The following SLC5A4 variants were observed in gnomAD, a reference collection of about 807,000 sequenced individuals.
SLC5A4 encodes the protein solute carrier family 5 member 4, also known as probable glucose sensor protein SLC5A4.
In SLC5A4, 55 loss-of-function variants were observed where a neutral mutation model predicts 70.3. That is an observed-to-expected ratio of 0.78 (90% CI 0.63 to 0.98). The LOEUF (loss-of-function observed/expected upper bound fraction) is 0.98. Ranked by LOEUF, SLC5A4 falls within the 50% of genes least tolerant of loss-of-function variation. The probability of loss-of-function intolerance (pLI) is 0.00; values close to 1 mark genes in which losing one functional copy is unlikely to be tolerated. For synonymous variants in SLC5A4, 268 were observed against 305.7 expected (o/e 0.88, Z 1.29); for missense variants, 735 against 839.2 (o/e 0.88, Z 1.53).
At chr22:32,348,446 G>T in the SLC5A4 span, among the ~76,000 whole-genome samples, 1 of 152,204 alleles carries the variant, frequency 6.6e-6, no homozygotes, top group Non-Finnish European at 1.5e-5. Context: ...CTCCTCCAGG[G>T]GAGTGCCTCC....
chr22:32,338,733 C>A, the SLC5A4 span, among the ~76,000 whole-genome samples: 2 of 152,136 alleles, frequency 1.3e-5, no homozygotes, highest in Non-Finnish European at 2.9e-5. Context: ...GAATCCAGTG[C>A]CCTCAAAAGC....
intron 3 of SLC5A4, among the ~76,000 whole-genome samples, chr22:32,251,453 C>T (rs1341017733): frequency 6.6e-6 from 1 of 151,888 alleles, no homozygotes; most frequent in Non-Finnish European, 1.5e-5. Context: ...CCCTCTCCTC[C>T]CCTTTTCTCT....
the SLC5A4 span, among the ~76,000 whole-genome samples, chr22:32,311,463 A>G: frequency 1.3e-5 from 2 of 152,214 alleles, no homozygotes; most frequent in Non-Finnish European, 2.9e-5. Context: ...GTTTGTGATC[A>G]TTTAGGTGAT....
the SLC5A4 span, among the ~76,000 whole-genome samples, chr22:32,351,075 C>A: frequency 0.42 from 63,099 of 151,900 alleles, 16,069 homozygotes; most frequent in African/African-American, 0.71. Flanking sequence ...CCTGTTGCAA[C>A]GATGTGATGA....
chr22:32,333,139 G>A, the SLC5A4 span, among the ~76,000 whole-genome samples: 1 of 151,942 alleles, frequency 6.6e-6, no homozygotes, highest in African/African-American at 2.4e-5. Context: ...GTCTGTGGGT[G>A]TAGGAGTGGA....
the SLC5A4 span, chr22:32,272,490 CA>C: frequency 1.4e-6 from 1 of 721,598 alleles, no homozygotes; most frequent in South Asian, 1.5e-5. Context: ...TCATGAAGAG[CA>C]TCTGGCTGCT....
chr22:32,354,737 C>T, the SLC5A4 span: 2 of 152,432 alleles, frequency 1.3e-5, no homozygotes, highest in African/African-American at 4.8e-5. Context: ...ATCCAACCAG[C>T]CTCCTAACAC....
chr22:32,223,822 ATTTCAGTGACTGAATGATAATCTC>A (rs1925225378), intron 13 of SLC5A4, among the ~76,000 whole-genome samples: 1 of 152,088 alleles, frequency 6.6e-6, no homozygotes. Flanking sequence ...ATTGTTCTTT[ATTTCAGTGACTGAATGATAATCTC>A]TTAGGGTTCT....
the SLC5A4 span, among the ~76,000 whole-genome samples, chr22:32,292,965 T>C: frequency 1.3e-5 from 2 of 152,226 alleles, no homozygotes; most frequent in African/African-American, 4.8e-5. Flanking sequence ...AGTAGGTGCC[T>C]ACCAATTTAA....
At chr22:32,272,892 G>GC in the SLC5A4 span, 1 of 516,278 alleles carries the variant, frequency 1.9e-6, no homozygotes, top group Non-Finnish European at 3.8e-6. Flanking sequence ...TGAACGTGCT[G>GC]CCACACCACA....
chr22:32,338,287 T>C, the SLC5A4 span, among the ~76,000 whole-genome samples: 2 of 152,034 alleles, frequency 1.3e-5, no homozygotes, highest in African/African-American at 4.8e-5. Context: ...TGGAGTAAAA[T>C]AAATGGGCAA....
chr22:32,314,042 A>C, the SLC5A4 span, among the ~76,000 whole-genome samples: 2 of 152,198 alleles, frequency 1.3e-5, no homozygotes, highest in East Asian at 1.9e-4. Flanking sequence ...CAAATGGAGA[A>C]GTCAAGGGAG....
chr22:32,318,516 G>T, the SLC5A4 span, among the ~76,000 whole-genome samples: 1 of 151,994 alleles, frequency 6.6e-6, no homozygotes, highest in African/African-American at 2.4e-5. Context: ...AGTCATCTTT[G>T]ACCCCTCTTT....
At chr22:32,333,858 CCA>C in the SLC5A4 span, among the ~76,000 whole-genome samples, 12,377 of 150,678 alleles carry the variant, frequency 0.082, 855 homozygotes, top group African/African-American at 0.19. Flanking sequence ...CACACACACA[CCA>C]CAGACACCCA....
At chr22:32,255,633 T>C (rs1737741575), upstream of SLC5A4, among the ~76,000 whole-genome samples, 1 of 151,692 alleles carries the variant, frequency 6.6e-6, no homozygotes, top group Non-Finnish European at 1.5e-5. Flanking sequence ...GAGGGGGGAT[T>C]TGAGAGAAAT....
chr22:32,229,194 C>T lies in SLC5A4; in HGVS notation c.1280G>A (p.Arg427Gln), dbSNP rs772166813. 23 of 1,613,126 alleles carry T rather than the reference C, an allele frequency of 1.4e-5. No individual in the cohort carries two copies. Among genetic ancestry groups the T allele is most frequent in the South Asian group, 3.3e-5 (3 of 90,950 alleles). Residue 427 changes from arginine (R) to glutamine (Q), a missense_variant and splice_region_variant, in exon 11 of 15, where the codon CGG becomes CAG. Transcript: ENST00000266086. ...ASEKELLIAG[R>Q]IFVLLLTVVS... ...TAGGTGGGAACCAGGGTTCACTCAC[C>T]GTCCAGCTATCAGGAGCTCTTTCTC...
At chr22:32,230,754 GA>G (rs1925699948) in intron 10 of SLC5A4, among the ~76,000 whole-genome samples, 2 of 152,198 alleles carry the variant, frequency 1.3e-5, no homozygotes, top group Non-Finnish European at 2.9e-5. Context: ...TCTTGAATCT[GA>G]AGGAGTAAGA....
the SLC5A4 span, among the ~76,000 whole-genome samples, chr22:32,347,173 C>T: frequency 6.6e-6 from 1 of 152,124 alleles, no homozygotes; most frequent in Non-Finnish European, 1.5e-5. Flanking sequence ...TCACACCAGT[C>T]AGAATGGCGA....
the SLC5A4 span, among the ~76,000 whole-genome samples, chr22:32,342,753 A>G: frequency 6.6e-6 from 1 of 152,238 alleles, no homozygotes; most frequent in Non-Finnish European, 1.5e-5. Context: ...ATTCCCAAAC[A>G]TGCCAGCTAA....
Sources: allele counts gnomAD v4.1 joint callset (sites outside exome capture counted in the v4.1 genomes callset), GRCh38; gene constraint gnomAD v4.1.1; transcripts MANE v1.5; gene names NCBI Gene and HGNC (gene_info 2026-07-23, HGNC 2026-07-21).